The following TDRD3 variants were observed in gnomAD, a reference collection of about 807,000 sequenced individuals.
TDRD3 encodes the protein tudor domain-containing protein 3.
Under a neutral mutation model 86.7 loss-of-function variants are expected in TDRD3, and 45 were observed. The observed-to-expected ratio is 0.52, with a 90% CI of 0.41 to 0.67. The LOEUF is 0.67. Among genes scored for constraint, TDRD3 ranks in the 30% least tolerant of loss-of-function variants. TDRD3 has a pLI of 0.00. For missense variants in TDRD3, 814 were observed against 889.0 expected (o/e 0.92, Z 1.07); for synonymous variants, 298 against 301.7 (o/e 0.99, Z 0.13).
chr13:60,472,003 G>A (rs892451666), intron 5 of TDRD3, among the ~76,000 whole-genome samples: 2 of 152,004 alleles, frequency 1.3e-5, no homozygotes, highest in African/African-American at 4.8e-5. Context: ...TTAGTGGTGG[G>A]TTTTTTATAT....
chr13:60,417,175 C>G (rs941327889), intron 1 of TDRD3, among the ~76,000 whole-genome samples: 1 of 151,774 alleles, frequency 6.6e-6, no homozygotes, highest in Non-Finnish European at 1.5e-5. Flanking sequence ...CACCACCCCA[C>G]ATGGCCAATT....
rs75107027 is a variant in TDRD3 at position 60,518,463 on chromosome 13, A to G, written c.1141+7708A>G. Among the ~76,000 whole-genome samples, 1,271 of 152,338 alleles carry G rather than the reference A, an allele frequency of 8.3e-3. 8 individuals are homozygous for G. The highest frequency in any genetic ancestry group is 0.024 in the Middle Eastern group (7 of 294). On this transcript the variant is annotated intron_variant, in intron 10 of 13. Coordinates refer to ENST00000377881, the MANE Select transcript of TDRD3 (RefSeq NM_001146070.2). ...CTAAGTTTGAGTAATGGTTTGTTAC[A>G]TAACTGTAGTATTGGGGAAAAATCC...
chr13:60,534,754 C>T (rs1215046135), intron 11 of TDRD3, among the ~76,000 whole-genome samples: 4 of 151,120 alleles, frequency 2.6e-5, no homozygotes, highest in Admixed American at 1.3e-4. Context: ...GGTGAAACCC[C>T]ATCTCTATAA....
At chr13:60,451,844 C>T (rs973341799) in intron 3 of TDRD3, among the ~76,000 whole-genome samples, 1 of 152,114 alleles carries the variant, frequency 6.6e-6, no homozygotes, top group Admixed American at 6.6e-5. Context: ...CTCCCCTGCC[C>T]ATACAGATTT....
At chr13:60,512,807 C>T (rs1434901260) in intron 10 of TDRD3, among the ~76,000 whole-genome samples, 2 of 152,208 alleles carry the variant, frequency 1.3e-5, no homozygotes, top group African/African-American at 2.4e-5. Context: ...CAGCCTCCCT[C>T]CCAGCTGCTT....
intron 5 of TDRD3, among the ~76,000 whole-genome samples, chr13:60,480,837 A>G (rs575916801): frequency 6.6e-6 from 1 of 152,212 alleles, no homozygotes; most frequent in Admixed American, 6.5e-5. Context: ...CGAGGGGGCC[A>G]CATGCAGGAA....
At chr13:60,525,145 T>C (rs1957392171) in intron 10 of TDRD3, among the ~76,000 whole-genome samples, 1 of 148,146 alleles carries the variant, frequency 6.8e-6, no homozygotes, top group Non-Finnish European at 1.5e-5. Context: ...TGTGAGTTTA[T>C]TTTACTATAT....
upstream of TDRD3, chr13:60,396,762 G>A (rs1953919854): frequency 6.6e-6 from 1 of 152,266 alleles, no homozygotes; most frequent in Admixed American, 6.5e-5. Flanking sequence ...GCGTCCGGGC[G>A]GACCAAAAGG....
At chr13:60,532,741 A>AT (rs1426478785) in intron 11 of TDRD3, among the ~76,000 whole-genome samples, 1 of 151,996 alleles carries the variant, frequency 6.6e-6, no homozygotes, top group East Asian at 1.9e-4. Flanking sequence ...TAGTTCAGCT[A>AT]TTTTTTTCGT....
intron 12 of TDRD3, among the ~76,000 whole-genome samples, chr13:60,552,141 A>G (rs953166204): frequency 4.6e-5 from 7 of 152,238 alleles, no homozygotes; most frequent in African/African-American, 1.7e-4. Flanking sequence ...TAAAATTCCA[A>G]GTCGAAAGTC....
chr13:60,487,786 A>T (rs993586247), intron 7 of TDRD3, among the ~76,000 whole-genome samples: 1 of 152,170 alleles, frequency 6.6e-6, no homozygotes, highest in Non-Finnish European at 1.5e-5. Context: ...ATAAATACCC[A>T]GTAGTGGGAT....
At chr13:60,445,915 A>G (rs1241584843) in intron 3 of TDRD3, among the ~76,000 whole-genome samples, 3 of 152,208 alleles carry the variant, frequency 2.0e-5, no homozygotes, top group Non-Finnish European at 4.4e-5. Flanking sequence ...ATAGTAGTAC[A>G]GAGATTCTTG....
chr13:60,476,554 T>A (rs990160619), intron 5 of TDRD3, among the ~76,000 whole-genome samples: 5 of 152,188 alleles, frequency 3.3e-5, no homozygotes, highest in Non-Finnish European at 7.3e-5. Flanking sequence ...TTTGGTTCCA[T>A]ATGAATTTTA....
At chr13:60,505,736 C>T (rs941470717) in intron 8 of TDRD3, among the ~76,000 whole-genome samples, 5 of 152,024 alleles carry the variant, frequency 3.3e-5, no homozygotes, top group African/African-American at 4.8e-5. Flanking sequence ...GTGAAGCATA[C>T]ACAAGTATCA....
intron 12 of TDRD3, 156 bp downstream of exon 12, chr13:60,535,389 T>G (rs1799993565): frequency 1.5e-6 from 1 of 647,746 alleles, no homozygotes; most frequent in African/African-American, 1.9e-5. Context: ...ATTCAATGCT[T>G]ACACTGAATG....
intron 7 of TDRD3, among the ~76,000 whole-genome samples, chr13:60,489,808 A>G (rs1324416372): frequency 1.5e-4 from 23 of 152,148 alleles, no homozygotes; most frequent in Admixed American, 1.4e-3. Flanking sequence ...ATTTTTTTCC[A>G]GAAATACATA....
chr13:60,466,506 G>A (rs1955933089), intron 4 of TDRD3, among the ~76,000 whole-genome samples: 1 of 151,654 alleles, frequency 6.6e-6, no homozygotes, highest in South Asian at 2.1e-4. Flanking sequence ...TGACAATCTT[G>A]GCCAGGTACA....
chr13:60,532,591 A>G (rs1957610362), intron 11 of TDRD3, among the ~76,000 whole-genome samples: 1 of 152,176 alleles, frequency 6.6e-6, no homozygotes, highest in African/African-American at 2.4e-5. Flanking sequence ...CATTGTAATG[A>G]TATTTTGGAG....
intron 1 of TDRD3, among the ~76,000 whole-genome samples, chr13:60,418,480 T>C (rs770722900): frequency 6.6e-6 from 1 of 152,124 alleles, no homozygotes; most frequent in Non-Finnish European, 1.5e-5. Context: ...GTCAGTACCA[T>C]GGTTTTTTCA....
Sources: allele counts gnomAD v4.1 joint callset (sites outside exome capture counted in the v4.1 genomes callset), GRCh38; gene constraint gnomAD v4.1.1; transcripts MANE v1.5; gene names NCBI Gene and HGNC (gene_info 2026-07-23, HGNC 2026-07-21).